The following CHKB variants were observed in gnomAD, a reference collection of about 807,000 sequenced individuals.
CHKB encodes the protein choline/ethanolamine kinase.
In CHKB, 45 loss-of-function variants were observed where a neutral mutation model predicts 57.3. The ratio of observed to expected loss-of-function variants is 0.79; its 90% CI spans 0.62 to 1.01. The LOEUF (loss-of-function observed/expected upper bound fraction) is 1.01, where lower values mean the gene tolerates loss of function less well. Ranked by LOEUF, CHKB falls within the 50% of genes least tolerant of loss-of-function variation. The pLI is 0.00. For synonymous variants in CHKB, 224 were observed against 201.8 expected (o/e 1.11, Z -0.93); for missense variants, 517 against 502.8 (o/e 1.03, Z -0.27).
At chr22:50,579,326 T>G in intron 10 of CHKB, 71 bp from the exon 11 acceptor site, 1 of 1,588,382 alleles carries the variant, frequency 6.3e-7, no homozygotes, top group Non-Finnish European at 8.6e-7. Context: ...CACCTCAGGC[T>G]GCCCACAGCC....
chr22:50,582,042 C>G, intron 2 of CHKB, 180 bp from the exon 3 acceptor site: 1 of 770,122 alleles, frequency 1.3e-6, no homozygotes, highest in Non-Finnish European at 2.3e-6. Flanking sequence ...GTTGTCCAGG[C>G]TGGTCTCGAA....
At position 50,581,780 on chromosome 22, in the gene CHKB, A is replaced by G; in HGVS notation, c.416T>C (p.Phe139Ser). The change falls in exon 3 of 11, where the codon TTC (phenylalanine) becomes TCC (serine). Residue 139 changes from phenylalanine (F) to serine (S), a missense_variant. Coordinates refer to ENST00000406938, the MANE Select transcript of CHKB (RefSeq NM_005198.5). ...GTACTGTTCCAGCCGGCCCTCTGGGAAGACTCCGTACAGCTGGGGCCCCAG... is the reference window on the plus strand; with the variant it reads ...GTACTGTTCCAGCCGGCCCTCTGGGGAGACTCCGTACAGCTGGGGCCCCAG... The part of the protein sequence containing the change: ...RSLGPQLYGV[F>S]PEGRLEQYIP... The G allele has an allele frequency of 6.2e-7, 1 of 1,613,926 alleles. No individual in the cohort carries two copies. The highest frequency in any genetic ancestry group is 8.5e-7 in the Non-Finnish European group (1 of 1,179,990).
At position 50,582,586 on chromosome 22, in the gene CHKB, G is replaced by T. The variant is rs141533752; in HGVS notation, c.196C>A (p.Pro66Thr). Residue 66 changes from proline to threonine, a missense_variant, in exon 1 of 11, where the codon CCC becomes ACC. Transcript: ENST00000406938. ...YLGGAWRRVQ[P>T]EELRVYPVSG... ...ACGGGGTAAACCCTCAGCTCCTCGGGCTGCACTCGGCGCCAGGCCCCGCCC... is the reference window on the plus strand; with the variant it reads ...ACGGGGTAAACCCTCAGCTCCTCGGTCTGCACTCGGCGCCAGGCCCCGCCC... The T allele has an allele frequency of 4.3e-6, 7 of 1,610,172 alleles. No individual in the cohort carries two copies. In the African/African-American group the frequency reaches 9.4e-5, roughly 22 times the overall value.
Position 50,579,461 on chromosome 22 carries a change from G to A in CHKB, c.1078C>T (p.Gln360Ter). 1 of 1,613,676 alleles carries A rather than the reference G, an allele frequency of 6.2e-7. No individual in the cohort carries two copies. Among genetic ancestry groups the A allele is most frequent in the Non-Finnish European group, 8.5e-7 (1 of 1,179,996 alleles). ...HFFWGLWSILQASMSTIEFGY... is the reference protein window; with the variant it reads ...HFFWGLWSIL ...AATTCTATGGTGGACATGGATGCCT[G>A]GAGGATGGACCACAGACCCCAGAAG... The change falls in exon 10 of 11, where the codon CAG becomes TAG. Residue 360 changes from glutamine to a stop codon, truncating the protein, a stop_gained. Transcript: ENST00000406938. LOFTEE classifies it high-confidence loss of function.
intron 4 of CHKB, 80 bp from the exon 5 acceptor site, chr22:50,580,740 T>C (rs2070674880): frequency 2.1e-5 from 25 of 1,180,766 alleles, no homozygotes; most frequent in Non-Finnish European, 3.0e-5. Context: ...GCCAGACTAC[T>C]GCACCCCTGC....
Position 50,579,770 on chromosome 22 carries a change from C to G in CHKB, c.988G>C (p.Glu330Gln), listed in dbSNP as rs781724474. The G allele has an allele frequency of 1.9e-6, 3 of 1,614,096 alleles. No homozygotes were observed. The highest frequency in any genetic ancestry group is 2.5e-6 in the Non-Finnish European group (3 of 1,180,028). ...AAATCTTCTTCCAGTTTTCTCTGCT[C>G]CTCTTGGGAGAGGGTCTCACCTTTC... ...AKKGETLSQE[E>Q]QRKLEEDLLV... The change falls in exon 9 of 11, where the codon GAG becomes CAG. Residue 330 changes from glutamate (E) to glutamine (Q), a missense_variant. Coordinates refer to ENST00000406938, the MANE Select transcript of CHKB (RefSeq NM_005198.5).
In CHKB at chr22:50,580,601, T is replaced by C. The variant is rs997259215; in HGVS notation, c.641A>G (p.Glu214Gly). The change falls in exon 5 of 11, where the codon GAG becomes GGG. Residue 214 changes from glutamate to glycine, a missense_variant. Glu to Gly is a moderately conservative substitution (Grantham distance 98, BLOSUM62 -2). Coordinates refer to ENST00000406938, the MANE Select transcript of CHKB (RefSeq NM_005198.5). ...CATCTCATCCTTCAGGCTGTACATC[T>C]CCAGCAGGTTCATCTCAGGGAGGCC... ...PTGLPEMNLL[E>G]MYSLKDEMGN... 17 of 1,613,946 alleles carry C rather than the reference T, an allele frequency of 1.1e-5. No individual in the cohort carries two copies. The highest frequency in any genetic ancestry group is 1.3e-5 in the Non-Finnish European group (15 of 1,180,012).
At chr22:50,579,339 C>T (rs2070620167) in intron 10 of CHKB, 84 bp from the exon 11 acceptor site, 1 of 1,578,836 alleles carries the variant, frequency 6.3e-7, no homozygotes, top group Non-Finnish European at 8.7e-7. Flanking sequence ...CCACAGCCAC[C>T]CGGGACTCCC....
chr22:50,581,336 G>A (rs1445775386), intron 4 of CHKB, 84 bp downstream of exon 4: 4 of 1,558,680 alleles, frequency 2.6e-6, no homozygotes, highest in Non-Finnish European at 3.5e-6. Context: ...CTCAAGTGGA[G>A]GGCTGGATAG....
Position 50,579,509 on chromosome 22 carries a change from T to TG in CHKB, c.1032-3dup. 1 of 1,613,116 alleles carries TG rather than the reference T, an allele frequency of 6.2e-7. No individual in the cohort carries two copies. On this transcript the variant is annotated splice_region_variant and splice_polypyrimidine_tract_variant and intron_variant, in intron 9 of 10. Coordinates refer to ENST00000406938, the MANE Select transcript of CHKB (RefSeq NM_005198.5). ...AAGAAATGGGATGCCAGAGCATACC[T>TG]GGGGGGAGGGCAGGAAAAGGAGGGG... is the stretch of plus-strand genomic sequence containing the variant.
At chr22:50,580,537 C>T (rs780901838) in intron 5 of CHKB, 28 bp downstream of exon 5, 22 of 1,613,044 alleles carry the variant, frequency 1.4e-5, no homozygotes, top group Middle Eastern at 3.4e-4. Flanking sequence ...GACACCATTA[C>T]CATTAGCCTT....
At position 50,580,268 on chromosome 22, in the gene CHKB, T is replaced by G. The variant is rs776962773; in HGVS notation, c.740A>C (p.Asn247Thr). Residue 247 changes from asparagine (N) to threonine (T), a missense_variant, in exon 7 of 11, where the codon AAC becomes ACC. Physicochemically the swap from Asn to Thr is moderately conservative, Grantham distance 65. Coordinates refer to ENST00000406938, the MANE Select transcript of CHKB (RefSeq NM_005198.5). ...VFCHNDIQEG[N>T]ILLLSEPENA... ...TTCTGGCTCTGAGAGCAGCAAGATG[T>G]TCCCTGGGGGAATGGGGTGAGGTTC... is the stretch of plus-strand genomic sequence containing the variant. The G allele has an allele frequency of 1.7e-5, 28 of 1,613,912 alleles. No individual in the cohort carries two copies. Among genetic ancestry groups the G allele is most frequent in the Non-Finnish European group, 2.4e-5 (28 of 1,180,018 alleles).
At chr22:50,579,313 A>G in intron 10 of CHKB, 58 bp from the exon 11 acceptor site, 3 of 1,596,494 alleles carry the variant, frequency 1.9e-6, no homozygotes, top group Non-Finnish European at 1.7e-6. Context: ...AGCATTCTAC[A>G]TCCACCTCAG....
chr22:50,582,137 T>C (rs2070704850), intron 2 of CHKB, 112 bp downstream of exon 2: 2 of 1,018,088 alleles, frequency 2.0e-6, no homozygotes, highest in South Asian at 2.8e-5. Flanking sequence ...GAGGTGTTAC[T>C]CAGACCGTGA....
intron 1 of CHKB, 54 bp from the exon 2 acceptor site, chr22:50,582,411 CCCCGGCCCCCT>C (rs1265080238): frequency 3.4e-6 from 5 of 1,484,784 alleles, no homozygotes; most frequent in African/African-American, 1.4e-5. Flanking sequence ...CCTGCCGCGG[CCCCGGCCCCCT>C]CCCGGCCAGG....
At chr22:50,582,403 T>A in intron 1 of CHKB, 46 bp from the exon 2 acceptor site, 1 of 1,500,532 alleles carries the variant, frequency 6.7e-7, no homozygotes, top group Non-Finnish European at 8.9e-7. Context: ...CGGCCCTACC[T>A]GCCGCGGCCC....
rs373596637 is a variant in CHKB at position 50,582,800 on chromosome 22, C to A, written c.-19G>T. On this transcript the variant is annotated 5_prime_UTR_variant, in exon 1 of 11. Coordinates refer to ENST00000406938, the MANE Select transcript of CHKB (RefSeq NM_005198.5). ...CCGCCATGGCGCGGGCTCGACCGGGCCCCAGGCCAGGCTGCGCTCCGCTCC... is the reference window on the plus strand; with the variant it reads ...CCGCCATGGCGCGGGCTCGACCGGGACCCAGGCCAGGCTGCGCTCCGCTCC... 1.7e-3 allele frequency: 2,676 copies of A among 1,546,820 alleles called. 64 individuals are homozygous for A. The South Asian group carries it at 0.025, about 14-fold the overall frequency.
At position 50,580,676 on chromosome 22, in the gene CHKB, T is replaced by G. The variant is rs200085590; in HGVS notation, c.582-16A>C. The G allele has an allele frequency of 2.5e-6, 4 of 1,611,850 alleles. No individual in the cohort carries two copies. The highest frequency in any genetic ancestry group is 2.5e-6 in the Non-Finnish European group (3 of 1,178,208). On this transcript the variant is annotated splice_polypyrimidine_tract_variant and intron_variant, in intron 4 of 10. Coordinates refer to ENST00000406938, the MANE Select transcript of CHKB (RefSeq NM_005198.5). ...TTTTAGGTACCTGAAGCCCAAAGAA[T>G]AGGATACACTGGCTCTGCTATTCTT...
chr22:50,582,618 T>G lies in CHKB; in HGVS notation c.164A>C (p.Glu55Ala), dbSNP rs773266909. The change falls in exon 1 of 11, where the codon GAG becomes GCG. Residue 55 changes from glutamate (E) to alanine (A), a missense_variant. Glu to Ala is a moderately radical substitution (Grantham distance 107). Transcript: ENST00000406938. ...TCGGCGCCAGGCCCCGCCCAAGTAC[T>G]CCCGGCACCATTGGTAGGCTCGGCG... is the stretch of plus-strand genomic sequence containing the variant. ...AERRAYQWCR[E>A]YLGGAWRRVQ... The G allele has an allele frequency of 2.5e-6, 4 of 1,611,312 alleles. No individual in the cohort carries two copies. Among genetic ancestry groups the G allele is most frequent in the Non-Finnish European group, 3.4e-6 (4 of 1,179,428 alleles).
Sources: gnomAD v4.1 joint callset for allele counts on GRCh38, gnomAD v4.1.1 for gene constraint, MANE v1.5 for transcripts, NCBI Gene and HGNC (gene_info 2026-07-23, HGNC 2026-07-21) for gene names.